Variants in SLC23A2 observed in about 807,000 individuals in gnomAD.
The protein encoded by SLC23A2 is Na(+)/L-ascorbic acid transporter 2.
A neutral mutation model predicts 73.3 loss-of-function variants in SLC23A2; 36 were observed. That is an observed-to-expected ratio of 0.49 (90% CI 0.38 to 0.65). The LOEUF (loss-of-function observed/expected upper bound fraction) is 0.65, where lower values mean the gene tolerates loss of function less well. Ranked by LOEUF, SLC23A2 falls within the 30% of genes least tolerant of loss-of-function variation. The pLI is 0.00. For missense variants in SLC23A2, 507 were observed against 841.6 expected (o/e 0.60, Z 4.92); for synonymous variants, 343 against 327.3 (o/e 1.05, Z -0.52).
rs1163554270 is a variant in SLC23A2, at chr20:4,857,323, CACACACACACACAT to C, written c.1721-133_1721-120del. On this transcript the variant is annotated intron_variant, in intron 16 of 16. Transcript: ENST00000338244. This position sits in a 1 kb window ranked among gnomAD's most constrained non-coding sequence, Gnocchi z 4.0. The stretch of plus-strand genomic sequence containing the variant: ...ACACACACACACACACACACACACA[CACACACACACACAT>C]GGTCCCACAGATCAAACCTGCCTAG... 9.1e-3 allele frequency: 5,074 copies of C among 557,306 alleles called. 191 individuals are homozygous for C. In the African/African-American group the frequency reaches 0.096, roughly 11 times the overall value. The allele number at this position is 557,306 out of a possible 1,614,324, so 34.5% of individuals were successfully genotyped here.
intron 2 of SLC23A2, among the ~76,000 whole-genome samples, chr20:4,962,445 T>C (rs1197278960): frequency 3.3e-5 from 5 of 151,908 alleles, no homozygotes; most frequent in Admixed American, 3.3e-4. Context: ...CCAGGACCAA[T>C]GAAGGGGAGG....
chr20:4,937,577 T>C (rs566592918), intron 2 of SLC23A2, among the ~76,000 whole-genome samples: 2 of 152,306 alleles, frequency 1.3e-5, no homozygotes, highest in African/African-American at 4.8e-5. Context: ...TTACTTGGTT[T>C]GCACACAAAC....
At chr20:4,909,366 T>G (rs1316631526) in intron 4 of SLC23A2, among the ~76,000 whole-genome samples, 2 of 152,188 alleles carry the variant, frequency 1.3e-5, no homozygotes. Flanking sequence ...ACGGTTACTC[T>G]ACATCAGGTT....
At chr20:5,003,288 G>A (rs182301054), upstream of SLC23A2, among the ~76,000 whole-genome samples, 698 of 152,208 alleles carry the variant, frequency 4.6e-3, 2 homozygotes, top group African/African-American at 0.016. Context: ...GGAGGCTGAG[G>A]CAGGAGAATG....
At chr20:5,000,535 G>A (rs2088101699) in intron 1 of SLC23A2, among the ~76,000 whole-genome samples, 1 of 152,116 alleles carries the variant, frequency 6.6e-6, no homozygotes, top group East Asian at 1.9e-4. Context: ...TGCAAGAATA[G>A]AAGTAGCACC....
intron 2 of SLC23A2, among the ~76,000 whole-genome samples, chr20:4,953,934 C>A (rs1389663808): frequency 6.6e-6 from 1 of 151,690 alleles, no homozygotes; most frequent in Non-Finnish European, 1.5e-5. Flanking sequence ...CCAAGATAGA[C>A]CTTAAAGTGA....
chr20:4,993,307 CA>C (rs35872510), intron 1 of SLC23A2, among the ~76,000 whole-genome samples: 26 of 123,106 alleles, frequency 2.1e-4, no homozygotes, highest in East Asian at 7.2e-4. Context: ...GACTCCGTCT[CA>C]AAAAAAAAAA....
chr20:4,991,539 C>T lies in SLC23A2; in HGVS notation c.-282+9867G>A, dbSNP rs535830507. Among the ~76,000 whole-genome samples, 61 of 152,044 alleles carry T rather than the reference C, an allele frequency of 4.0e-4. 1 individual carries two copies. The South Asian group carries it at 0.011, about 29-fold the overall frequency. On this transcript the variant is annotated intron_variant, in intron 1 of 16. Transcript: ENST00000338244. ...CAGTTCAAGACCAGCCTGACCAATA[C>T]GGTGAAACCCCATCTCTACTAAAAA... is the stretch of plus-strand genomic sequence containing the variant.
chr20:4,874,451 G>A (rs764369723), intron 10 of SLC23A2, 125 bp downstream of exon 10: 22 of 842,662 alleles, frequency 2.6e-5, no homozygotes, highest in Admixed American at 1.2e-4. Context: ...GTCATTAGTA[G>A]CCTGGTCTCA....
chr20:4,918,250 T>C (rs1715364), intron 3 of SLC23A2, among the ~76,000 whole-genome samples: 83,995 of 152,040 alleles, frequency 0.55, 24,524 homozygotes, highest in African/African-American at 0.75. Context: ...TATAAAAATA[T>C]CAGCAGATTA....
intron 3 of SLC23A2, among the ~76,000 whole-genome samples, chr20:4,914,825 G>A (rs907139729): frequency 6.6e-5 from 10 of 152,174 alleles, no homozygotes; most frequent in African/African-American, 2.2e-4. Context: ...CAGATCACCT[G>A]AGGTCGGGAG....
In SLC23A2 at chr20:4,859,401, GC is replaced by G; in HGVS notation, c.1625-18del. 1 of 1,552,044 alleles carries G rather than the reference GC, an allele frequency of 6.4e-7. No individual in the cohort carries two copies. Among genetic ancestry groups the G allele is most frequent in the Non-Finnish European group, 8.9e-7 (1 of 1,123,586 alleles). On this transcript the variant is annotated intron_variant, in intron 15 of 16. Coordinates refer to ENST00000338244, the MANE Select transcript of SLC23A2 (RefSeq NM_005116.6). ...CTGTTATCCCTAGAAAGAGAACACA[GC>G]CATAAACGATCAGTGCCACAGCAGC...
intron 9 of SLC23A2, among the ~76,000 whole-genome samples, chr20:4,879,407 T>TAAAAAAAAAAAAA (rs1930789225): frequency 4.4e-5 from 1 of 22,892 alleles, no homozygotes; most frequent in Non-Finnish European, 7.1e-5. Flanking sequence ...AAACTCTGTC[T>TAAAAAAAAAAAAA]CAAAAAAAAA....
rs1326426596 is a variant in SLC23A2 at position 4,863,865 on chromosome 20, T to C, written c.1357-958A>G. 6.6e-6 allele frequency among the ~76,000 whole-genome samples: 1 copy of C among 152,156 alleles called. No individual in the cohort carries two copies. The highest frequency in any genetic ancestry group is 1.5e-5 in the Non-Finnish European group (1 of 68,020). Reference sequence around the variant, plus strand: ...CCCAACTCCAGGACTATTCCCCCATTATAGGCTCTCATAGCACCATGTAGG... The same window carrying C: ...CCCAACTCCAGGACTATTCCCCCATCATAGGCTCTCATAGCACCATGTAGG... On this transcript the variant is annotated intron_variant, in intron 13 of 16. Transcript: ENST00000338244. This position sits in a 1 kb window ranked among gnomAD's most constrained non-coding sequence, Gnocchi z 4.8.
chr20:5,002,492 G>A (rs575702544), upstream of SLC23A2, among the ~76,000 whole-genome samples: 96 of 152,242 alleles, frequency 6.3e-4, no homozygotes, highest in African/African-American at 2.1e-3. Context: ...ACTAGTTCCC[G>A]GGCAACTCTT....
chr20:4,932,243 C>T (rs897717187), intron 3 of SLC23A2, among the ~76,000 whole-genome samples: 1 of 152,208 alleles, frequency 6.6e-6, no homozygotes, highest in Non-Finnish European at 1.5e-5. Flanking sequence ...TGCATACTTC[C>T]TTCCTGGAGT....
chr20:4,928,960 A>G (rs543661409), intron 3 of SLC23A2, among the ~76,000 whole-genome samples: 1 of 152,350 alleles, frequency 6.6e-6, no homozygotes, highest in East Asian at 1.9e-4. Flanking sequence ...GTACGCAAGA[A>G]ACATGTATGG....
rs1468854375 is a variant in SLC23A2, at chr20:4,862,766, G to A, written c.1486+12C>T. On this transcript the variant is annotated intron_variant, in intron 14 of 16. Transcript: ENST00000338244. The surrounding 1 kb of genome is among the most constrained non-coding windows in gnomAD (Gnocchi z 5.1). ...GAAAAGTAAAGGAAAAAGCCAGAGA[G>A]GGGAGTCTTACCAAAGAGCGTGCAG... is the stretch of plus-strand genomic sequence containing the variant. 6.2e-7 allele frequency: 1 copy of A among 1,605,060 alleles called. No homozygotes were observed. Among genetic ancestry groups the A allele is most frequent in the Non-Finnish European group, 8.5e-7 (1 of 1,173,078 alleles).
intron 1 of SLC23A2, among the ~76,000 whole-genome samples, chr20:5,007,856 G>C (rs2088207830): frequency 6.6e-6 from 1 of 151,794 alleles, no homozygotes; most frequent in Admixed American, 6.6e-5. Flanking sequence ...ATTGTAGTGT[G>C]CTTCAATATT....
Sources: gnomAD v4.1 joint callset for allele counts (sites outside exome capture counted in the v4.1 genomes callset) on GRCh38, gnomAD v4.1.1 for gene constraint, Gnocchi (gnomAD v3.1) non-coding constraint, MANE v1.5 for transcripts, NCBI Gene and HGNC (gene_info 2026-07-23, HGNC 2026-07-21) for gene names.